The following PSORS1C1 variants were observed in gnomAD, a reference collection of about 807,000 sequenced individuals.
PSORS1C1 encodes psoriasis susceptibility 1 candidate gene 1 protein.
PSORS1C1 carries 7 observed loss-of-function variants against 9.4 expected under a neutral mutation model. The observed-to-expected ratio is 0.75, with a 90% CI of 0.42 to 1.40. The LOEUF is 1.40. Ranked by LOEUF, PSORS1C1 falls within the 40% of genes most tolerant of loss-of-function variation. The pLI, the probability that PSORS1C1 is intolerant of heterozygous loss-of-function variation, is 0.01. For missense variants in PSORS1C1, 146 were observed against 178.1 expected (o/e 0.82, Z 1.02); for synonymous variants, 63 against 69.4 (o/e 0.91, Z 0.46).
chr6:31,139,610 G>C lies in PSORS1C1; in HGVS notation c.168-31G>C. The C allele has an allele frequency of 6.3e-7, 1 of 1,598,908 alleles. No homozygotes were observed. The highest frequency in any genetic ancestry group is 8.5e-7 in the Non-Finnish European group (1 of 1,170,100). ...ACTTCCCTTCCCCCATGGGATCCAG[G>C]CATCCTGCTCTCCACCATGTCCTTC... On this transcript the variant is annotated intron_variant, in intron 5 of 5. Transcript: ENST00000259881. This position sits in a 1 kb window ranked among gnomAD's most constrained non-coding sequence, Gnocchi z 5.2.
At position 31,116,511 on chromosome 6, in the gene PSORS1C1, T is replaced by C. The variant is rs1042126; in HGVS notation, c.-229+1620T>C. 830,661 of 1,610,486 alleles carry C rather than the reference T, an allele frequency of 0.52. 219,415 individuals are homozygous for C. The highest frequency in any genetic ancestry group is 0.69 in the East Asian group (30,652 of 44,746). On this transcript the variant is annotated intron_variant, in intron 1 of 5. Coordinates refer to ENST00000259881, the MANE Select transcript of PSORS1C1 (RefSeq NM_014068.3). ...CCCCACCAGTCCCCACTGGCTGGAATGCAATGGCCGAGGAAGCTGCCGACT... is the reference window on the plus strand; with the variant it reads ...CCCCACCAGTCCCCACTGGCTGGAACGCAATGGCCGAGGAAGCTGCCGACT...
In PSORS1C1 at chr6:31,139,586, C is replaced by T; in HGVS notation, c.168-55C>T. ...CTGGGGCTTCGTGCTTTCCTGGGCA[C>T]TTCCCTTCCCCCATGGGATCCAGGC... On this transcript the variant is annotated intron_variant, in intron 5 of 5. Transcript: ENST00000259881. This position sits in a 1 kb window ranked among gnomAD's most constrained non-coding sequence, Gnocchi z 5.2. The T allele has an allele frequency of 6.4e-7, 1 of 1,574,640 alleles. No individual in the cohort carries two copies. The highest frequency in any genetic ancestry group is 2.3e-5 in the East Asian group (1 of 44,354).
intron 3 of PSORS1C1, among the ~76,000 whole-genome samples, chr6:31,132,848 T>TA (rs9281221): frequency 7.7e-4 from 108 of 140,382 alleles, no homozygotes; most frequent in Admixed American, 1.8e-3. Context: ...GACCCTGTCT[T>TA]AAAAAAAAAA....
chr6:31,134,014 T>A (rs4711257), intron 3 of PSORS1C1, among the ~76,000 whole-genome samples: 18,005 of 152,252 alleles, frequency 0.12, 1,301 homozygotes, highest in South Asian at 0.3. Context: ...GGTCTTGCTC[T>A]GTCGCCCAGG....
chr6:31,116,796 A>C, intron 1 of PSORS1C1: 1 of 1,613,694 alleles, frequency 6.2e-7, no homozygotes, highest in Non-Finnish European at 8.5e-7. Flanking sequence ...CACCATTGCT[A>C]CAGGGGGGAC....
intron 1 of PSORS1C1, chr6:31,116,182 T>A (rs370187632): frequency 6.2e-7 from 1 of 1,612,772 alleles, no homozygotes; most frequent in African/African-American, 1.3e-5. Flanking sequence ...AGCGGAGGGA[T>A]CAGGATGGGG....
chr6:31,139,748 C>G lies in PSORS1C1; in HGVS notation c.275C>G (p.Ser92Cys). ...RTQEDILVPS[S>C]HPELFASVLP... ...CAGGAGGATATCCTGGTTCCCTCTT[C>G]CCACCCAGAGCTGTTTGCATCAGTC... Residue 92 changes from serine (S) to cysteine (C), a missense_variant, in exon 6 of 6, where the codon TCC (serine) becomes TGC (cysteine). Coordinates refer to ENST00000259881, the MANE Select transcript of PSORS1C1 (RefSeq NM_014068.3). This position sits in a 1 kb window ranked among gnomAD's most constrained non-coding sequence, Gnocchi z 5.2. 1 of 1,613,108 alleles carries G rather than the reference C, an allele frequency of 6.2e-7. No individual in the cohort carries two copies. Among genetic ancestry groups the G allele is most frequent in the Non-Finnish European group, 8.5e-7 (1 of 1,180,032 alleles).
chr6:31,129,466 C>G, intron 2 of PSORS1C1, 103 bp from the exon 3 acceptor site: 2 of 659,982 alleles, frequency 3.0e-6, no homozygotes, highest in South Asian at 3.5e-5. Flanking sequence ...ATGAAGACAG[C>G]CTGTTTGAGT....
rs1390531875 is a variant in PSORS1C1 at position 31,138,451 on chromosome 6, G to A, written c.35G>A (p.Arg12Lys). ...TCTDQKSHSQRALGTQTPALQ... is the reference protein window; with the variant it reads ...TCTDQKSHSQKALGTQTPALQ... ...ACAGACCAAAAAAGTCACTCTCAAAGAGCTCTCGGTAGGTTTGTAAATACT... is the reference window on the plus strand; with the variant it reads ...ACAGACCAAAAAAGTCACTCTCAAAAAGCTCTCGGTAGGTTTGTAAATACT... The change falls in exon 4 of 6, where the codon AGA becomes AAA. Residue 12 changes from arginine to lysine, a missense_variant. By Grantham distance (26) the Arg-to-Lys change is conservative. Coordinates refer to ENST00000259881, the MANE Select transcript of PSORS1C1 (RefSeq NM_014068.3). 1.2e-6 allele frequency: 2 copies of A among 1,609,504 alleles called. No homozygotes were observed. The highest frequency in any genetic ancestry group is 8.5e-7 in the Non-Finnish European group (1 of 1,178,536).
rs950079587 is a variant in PSORS1C1, at chr6:31,139,418, C to T, written c.168-223C>T. 1.7e-6 allele frequency: 1 copy of T among 597,870 alleles called. No individual in the cohort carries two copies. The highest frequency in any genetic ancestry group is 3.0e-6 in the Non-Finnish European group (1 of 336,082). 37.0% of individuals were successfully genotyped at this position (597,870 alleles called of 1,614,324 possible). ...GAATGGGAGCAAACCACGCGATGGGCGTTGGGAAGCACCGTAATTACAGGG... is the reference window on the plus strand; with the variant it reads ...GAATGGGAGCAAACCACGCGATGGGTGTTGGGAAGCACCGTAATTACAGGG... On this transcript the variant is annotated intron_variant, in intron 5 of 5. Coordinates refer to ENST00000259881, the MANE Select transcript of PSORS1C1 (RefSeq NM_014068.3). The surrounding 1 kb of genome is among the most constrained non-coding windows in gnomAD (Gnocchi z 5.2).
At chr6:31,132,416 G>A (rs1395788875) in intron 3 of PSORS1C1, among the ~76,000 whole-genome samples, 1 of 126,704 alleles carries the variant, frequency 7.9e-6, no homozygotes, top group Admixed American at 8.5e-5. Context: ...CAGCTACTCA[G>A]GAAGCAGAGG....
rs151161637 is a variant in PSORS1C1 at position 31,116,611 on chromosome 6, C to G, written c.-229+1720C>G. The stretch of plus-strand genomic sequence containing the variant: ...GGGCCCAGCTGCAAAGGAAGGGACC[C>G]CTGGAGAGCCTTTCACAGGGTTCTC... On this transcript the variant is annotated intron_variant, in intron 1 of 5. Transcript: ENST00000259881. The G allele has an allele frequency of 1.6e-4, 258 of 1,613,230 alleles. No homozygotes were observed. Among genetic ancestry groups the G allele is most frequent in the Non-Finnish European group, 2.1e-4 (251 of 1,180,004 alleles).
Position 31,116,544 on chromosome 6 carries a change from G to A in PSORS1C1, c.-229+1653G>A, listed in dbSNP as rs542303595. The A allele has an allele frequency of 3.1e-6, 5 of 1,613,954 alleles. No homozygotes were observed. The African/African-American group carries it at 5.3e-5, about 17-fold the overall frequency. On this transcript the variant is annotated intron_variant, in intron 1 of 5. Coordinates refer to ENST00000259881, the MANE Select transcript of PSORS1C1 (RefSeq NM_014068.3). ...CCGAGGAAGCTGCCGACTGGCTGGG[G>A]ATGATGGGGTTGCTGGAGAAGTATT...
chr6:31,119,862 C>T (rs1438006086), intron 1 of PSORS1C1, among the ~76,000 whole-genome samples: 5 of 151,986 alleles, frequency 3.3e-5, no homozygotes, highest in Non-Finnish European at 5.9e-5. Flanking sequence ...GCCGAGATTA[C>T]GCCACTGCAC....
At chr6:31,136,088 T>C (rs1447843681) in intron 3 of PSORS1C1, among the ~76,000 whole-genome samples, 2 of 150,520 alleles carry the variant, frequency 1.3e-5, no homozygotes, top group Non-Finnish European at 3.0e-5. Flanking sequence ...AAGTAACTTA[T>C]TGAAAATGCA....
intron 1 of PSORS1C1, chr6:31,117,525 G>C: frequency 6.5e-7 from 1 of 1,550,084 alleles, no homozygotes; most frequent in African/African-American, 1.4e-5. Context: ...TCTTAGCCAA[G>C]GTCCCTGTGG....
intron 1 of PSORS1C1, among the ~76,000 whole-genome samples, chr6:31,124,177 T>C (rs1772581199): frequency 6.6e-6 from 1 of 152,154 alleles, no homozygotes; most frequent in East Asian, 1.9e-4. Flanking sequence ...ACCAAACGGC[T>C]TTGAATGATC....
chr6:31,136,472 C>A (rs895120580), intron 3 of PSORS1C1, among the ~76,000 whole-genome samples: 1 of 151,646 alleles, frequency 6.6e-6, no homozygotes, highest in Non-Finnish European at 1.5e-5. Flanking sequence ...TGACCTTTGG[C>A]GGCTCTGGGA....
chr6:31,117,258 G>A (rs1014535799), intron 1 of PSORS1C1: 13 of 1,609,572 alleles, frequency 8.1e-6, no homozygotes, highest in African/African-American at 1.3e-5. Flanking sequence ...AGCCAGATCC[G>A]GAGGAGTAGC....
Sources: allele counts gnomAD v4.1 joint callset (sites outside exome capture counted in the v4.1 genomes callset), GRCh38; gene constraint gnomAD v4.1.1; non-coding constraint Gnocchi (gnomAD v3.1); transcripts MANE v1.5; gene names NCBI Gene and HGNC (gene_info 2026-07-23, HGNC 2026-07-21).